The following CHI3L2 variants were observed in gnomAD, a reference collection of about 807,000 sequenced individuals.
CHI3L2 encodes chitinase 3 like 2.
Under a neutral mutation model 47.3 loss-of-function variants are expected in CHI3L2, and 47 were observed. The observed-to-expected ratio is 0.99, with a 90% confidence interval of 0.79 to 1.27. The LOEUF (loss-of-function observed/expected upper bound fraction) is 1.27, where lower values mean the gene tolerates loss of function less well. Ranked by LOEUF, CHI3L2 falls within the 50% of genes most tolerant of loss-of-function variation. The pLI, the probability that CHI3L2 is intolerant of heterozygous loss-of-function variation, is 0.00. For missense variants in CHI3L2, 497 were observed against 462.1 expected, an observed-to-expected ratio of 1.08 and a Z score of -0.69; for synonymous variants, 198 against 169.9, an observed-to-expected ratio of 1.17 and a Z score of -1.28.
At chr1:111,240,553 T>A (rs181816413) in intron 8 of CHI3L2, among the ~76,000 whole-genome samples, 345 of 152,352 alleles carry the variant, frequency 2.3e-3, no homozygotes, top group Non-Finnish European at 3.7e-3. Flanking sequence ...GATTTGATTG[T>A]TCAGTTCATA....
At chr1:111,238,547 A>C (rs1440363005) in intron 7 of CHI3L2, among the ~76,000 whole-genome samples, 1 of 152,242 alleles carries the variant, frequency 6.6e-6, no homozygotes, top group East Asian at 1.9e-4. Flanking sequence ...CAGAAATTAG[A>C]AAAAGTTGCA....
At chr1:111,236,791 A>G (rs892200808) in intron 7 of CHI3L2, among the ~76,000 whole-genome samples, 3 of 152,248 alleles carry the variant, frequency 2.0e-5, no homozygotes, top group South Asian at 2.1e-4. Context: ...AATCAGCTGT[A>G]TGGGAGACTG....
intron 7 of CHI3L2, among the ~76,000 whole-genome samples, chr1:111,236,498 T>G (rs1659891802): frequency 6.6e-6 from 1 of 152,174 alleles, no homozygotes; most frequent in African/African-American, 2.4e-5. Flanking sequence ...TCCATCTATA[T>G]TCCCTATTTA....
intron 1 of CHI3L2, chr1:111,229,606 C>T (rs537018005): frequency 1.5e-5 from 6 of 387,384 alleles, no homozygotes; most frequent in East Asian, 8.1e-5. Context: ...GGCGTGAACC[C>T]GGGAGGCGGA....
intron 1 of CHI3L2, among the ~76,000 whole-genome samples, chr1:111,228,080 T>G (rs1331456959): frequency 6.6e-6 from 1 of 152,250 alleles, no homozygotes; most frequent in Non-Finnish European, 1.5e-5. Flanking sequence ...TCTCTTGGTG[T>G]ATGAGCGTTG....
intron 4 of CHI3L2, among the ~76,000 whole-genome samples, chr1:111,232,624 T>C (rs1195221611): frequency 6.6e-6 from 1 of 152,204 alleles, no homozygotes; most frequent in Non-Finnish European, 1.5e-5. Flanking sequence ...CCCTGTGCAA[T>C]AAGGGCTCAA....
rs780579179 is a variant in CHI3L2, at chr1:111,241,378, G to T, written c.970G>T (p.Val324Phe). 14 of 1,610,330 alleles carry T rather than the reference G, an allele frequency of 8.7e-6. No individual in the cohort carries two copies. The highest frequency in any genetic ancestry group is 1.6e-4 in the Middle Eastern group (1 of 6,076). Residue 324 changes from valine (V) to phenylalanine (F), a missense_variant, in exon 9 of 11, where the codon GTT becomes TTT. Transcript: ENST00000369748. ...GATCACGCGGCTCCAGGATCAGCAG[G>T]TTCCCTACGCAGTCAAGGGGAACCA... ...AKITRLQDQQ[V>F]PYAVKGNQWV...
At position 111,236,019 on chromosome 1, in the gene CHI3L2, T is replaced by C; in HGVS notation, c.606-5T>C. On this transcript the variant is annotated splice_region_variant and splice_polypyrimidine_tract_variant and intron_variant, in intron 6 of 10. Transcript: ENST00000369748. ...AAATCTCTCCCATTGCTTTTGGCAC[T>C]TTAGAGATCTGGATTTCATCAACCT... 1 of 1,613,978 alleles carries C rather than the reference T, an allele frequency of 6.2e-7. No individual in the cohort carries two copies. The highest frequency in any genetic ancestry group is 8.5e-7 in the Non-Finnish European group (1 of 1,179,948).
intron 4 of CHI3L2, among the ~76,000 whole-genome samples, chr1:111,234,525 G>A (rs537149719): frequency 1.3e-5 from 2 of 152,182 alleles, no homozygotes; most frequent in African/African-American, 4.8e-5. Context: ...GGGGTTTCTG[G>A]CTAAACTGAC....
chr1:111,238,931 A>G lies in CHI3L2; in HGVS notation c.917A>G (p.Glu306Gly). 1 of 1,588,136 alleles carries G rather than the reference A, an allele frequency of 6.3e-7. No homozygotes were observed. Among genetic ancestry groups the G allele is most frequent in the Non-Finnish European group, 8.5e-7 (1 of 1,169,934 alleles). Residue 306 changes from glutamate (E) to glycine (G), a missense_variant and splice_region_variant, in exon 8 of 11, where the codon GAG becomes GGG. By Grantham distance (98) the Glu-to-Gly change is moderately conservative (BLOSUM62 -2). Transcript: ENST00000369748. ...TCTTCAGGCTTCCTGGCCTATTATG[A>G]GGTACCTGGAAACCCCCTGTACCCT... The part of the protein sequence containing the change: ...TESSGFLAYY[E>G]ICQFLKGAKI...
chr1:111,229,942 T>C (rs765201766), intron 2 of CHI3L2, 61 bp downstream of exon 2: 6 of 1,590,140 alleles, frequency 3.8e-6, no homozygotes, highest in Admixed American at 1.7e-5. Context: ...TCATTTTTGA[T>C]GTACAGTTTC....
intron 5 of CHI3L2, 23 bp downstream of exon 5, chr1:111,235,080 C>A: frequency 6.2e-7 from 1 of 1,611,276 alleles, no homozygotes; most frequent in Non-Finnish European, 8.5e-7. Context: ...TCAAGTAATT[C>A]ATGTGAGTCA....
chr1:111,235,670 C>G lies in CHI3L2; in HGVS notation c.512C>G (p.Thr171Arg). ...ELAEAFQKDF[T>R]KSTKERLLLT... ...GCAGAAGCCTTTCAGAAGGACTTCA[C>G]AAAATCCACCAAGGAAAGGCTTCTC... Residue 171 changes from threonine (T) to arginine (R), a missense_variant, in exon 6 of 11, where the codon ACA becomes AGA. Transcript: ENST00000369748. The G allele has an allele frequency of 1.2e-6, 2 of 1,614,138 alleles. No homozygotes were observed.
chr1:111,239,783 C>G (rs954320250), intron 8 of CHI3L2, among the ~76,000 whole-genome samples: 1 of 152,154 alleles, frequency 6.6e-6, no homozygotes, highest in African/African-American at 2.4e-5. Context: ...AGATATAAAT[C>G]TAACAATAGG....
chr1:111,242,204 G>A (rs1013822865), intron 9 of CHI3L2, 23 bp from the exon 10 acceptor site: 1 of 1,613,990 alleles, frequency 6.2e-7, no homozygotes, highest in Non-Finnish European at 8.5e-7. Context: ...GAATCTCTGT[G>A]TATCCTTCTG....
chr1:111,228,286 A>G (rs1221724124), intron 1 of CHI3L2, among the ~76,000 whole-genome samples: 1 of 152,158 alleles, frequency 6.6e-6, no homozygotes, highest in Non-Finnish European at 1.5e-5. Flanking sequence ...GGATGAGGCT[A>G]AATAAACAAG....
Position 111,229,880 on chromosome 1 carries a change from A to T in CHI3L2, c.69A>T (p.Gly23=). 6.2e-7 allele frequency: 1 copy of T among 1,613,600 alleles called. No homozygotes were observed. Among genetic ancestry groups the T allele is most frequent in the Non-Finnish European group, 8.5e-7 (1 of 1,179,806 alleles). ...AGVVVLLLLQ[G]GSAYKLVCYF... ...TAGTGGTCTTGCTGCTTCTCCAGGGAGGTAAGTAGTCAATAAGTCACTACC... is the reference window on the plus strand; with the variant it reads ...TAGTGGTCTTGCTGCTTCTCCAGGGTGGTAAGTAGTCAATAAGTCACTACC... Residue 23 remains glycine, a splice_region_variant and synonymous_variant, in exon 2 of 11, where the codon GGA becomes GGT. Transcript: ENST00000369748.
rs1659841418 is a variant in CHI3L2 at position 111,235,132 on chromosome 1, G to C, written c.480+75G>C. The C allele has an allele frequency of 2.0e-6, 3 of 1,474,734 alleles. No homozygotes were observed. The South Asian group carries it at 3.6e-5, about 18-fold the overall frequency. The allele number at this position is 1,474,734 out of a possible 1,614,324, so 91.4% of individuals were successfully genotyped here. A position where few individuals can be genotyped will look rare whatever the true frequency, so the allele number is the denominator to read the frequency against. On this transcript the variant is annotated intron_variant, in intron 5 of 10. Transcript: ENST00000369748. ...CAGTACTCTGATATCCAGAATCCATGGCCACATTGGGAGACAAAAAGGAGG... is the reference window on the plus strand; with the variant it reads ...CAGTACTCTGATATCCAGAATCCATCGCCACATTGGGAGACAAAAAGGAGG...
Position 111,228,289 on chromosome 1 carries a change from T to C in CHI3L2, c.40+520T>C, listed in dbSNP as rs573077991. 2.0e-5 allele frequency among the ~76,000 whole-genome samples: 3 copies of C among 152,158 alleles called. No homozygotes were observed. The South Asian group carries it at 6.2e-4, about 32-fold the overall frequency. On this transcript the variant is annotated intron_variant, in intron 1 of 10. Transcript: ENST00000369748. Reference sequence around the variant, plus strand: ...GGATGAGAGTGGGGATGAGGCTAAATAAACAAGGCTATGAGTGAACGGGGG... The same window carrying C: ...GGATGAGAGTGGGGATGAGGCTAAACAAACAAGGCTATGAGTGAACGGGGG...
Sources: allele counts gnomAD v4.1 joint callset (sites outside exome capture counted in the v4.1 genomes callset), GRCh38; gene constraint gnomAD v4.1.1; transcripts MANE v1.5; gene names NCBI Gene and HGNC (gene_info 2026-07-23, HGNC 2026-07-21).